SUMF2: variants seen among roughly 807,000 people sequenced by gnomAD.
SUMF2 encodes the protein sulfatase modifying factor 2.
A neutral mutation model predicts 44.8 loss-of-function variants in SUMF2; 45 were observed. The ratio of observed to expected loss-of-function variants is 1.00; its 90% confidence interval spans 0.79 to 1.29. The LOEUF is 1.29. Among genes scored for constraint, SUMF2 ranks in the 50% most tolerant of loss-of-function variants. The probability of loss-of-function intolerance (pLI) is 0.00; values close to 1 mark genes in which losing one functional copy is unlikely to be tolerated. For synonymous variants in SUMF2, 148 were observed against 150.4 expected (o/e 0.98, Z 0.12); for missense variants, 418 against 389.9 (o/e 1.07, Z -0.61).
rs1049101190 is a variant in SUMF2, at chr7:56,079,098, T to C, written c.822-430T>C. The C allele has an allele frequency of 5.9e-6, 3 of 508,900 alleles. No homozygotes were observed. In the Admixed American group the frequency reaches 1.0e-4, roughly 17 times the overall value. The allele number at this position is 508,900 out of a possible 1,614,324, so 31.5% of individuals were successfully genotyped here. A position where few individuals can be genotyped will look rare whatever the true frequency, so the allele number is the denominator to read the frequency against. ...CATGCTGCCTAGGTTTGTCTCATAC[T>C]CCTGGACTCAAGCAATCAGCCCGCC... On this transcript the variant is annotated intron_variant, in intron 8 of 8. Coordinates refer to ENST00000434526, the MANE Select transcript of SUMF2 (RefSeq NM_015411.4).
At chr7:56,075,183 G>GTT (rs372689175) in intron 5 of SUMF2, among the ~76,000 whole-genome samples, 6,370 of 141,988 alleles carry the variant, frequency 0.045, 241 homozygotes, top group East Asian at 0.21. Flanking sequence ...GAGGACCAGT[G>GTT]TTTTTTTTTT....
rs868240320 is a variant in SUMF2, at chr7:56,074,220, T to C, written c.384+2T>C. The C allele has an allele frequency of 1.2e-6, 2 of 1,613,718 alleles. No homozygotes were observed. Among genetic ancestry groups the C allele is most frequent in the Non-Finnish European group, 8.5e-7 (1 of 1,179,862 alleles). On this transcript the variant is annotated splice_donor_variant, in intron 4 of 8. Transcript: ENST00000434526. LOFTEE classifies it high-confidence loss of function. ...GTGGAAAAGGCATTTTGGAGGCAGG[T>C]AAGGGCTGATTCCGCTACCTCATTT...
chr7:56,077,198 C>T (rs190163916), intron 6 of SUMF2, among the ~76,000 whole-genome samples: 125 of 151,486 alleles, frequency 8.3e-4, no homozygotes, highest in African/African-American at 2.9e-3. Context: ...AGGTGCCTGC[C>T]ACCATGCCCA....
At chr7:56,073,221 G>A in intron 3 of SUMF2, 110 bp downstream of exon 3, 2 of 821,980 alleles carry the variant, frequency 2.4e-6, no homozygotes, top group Non-Finnish European at 4.1e-6. Context: ...CTGAGAGGTG[G>A]AGGCAGAGGG....
chr7:56,078,377 C>T lies in SUMF2; in HGVS notation c.690C>T (p.Leu230=). Residue 230 remains leucine, a synonymous_variant, in exon 8 of 9, where the codon CTC becomes CTT. Transcript: ENST00000434526. The stretch of plus-strand genomic sequence containing the variant: ...GTGGGGCTGCAGGGCTCTATGACCT[C>T]CTGGGGAACGTGTGGGAGTGGACAG... The part of the protein sequence containing the change: ...PAQNNYGLYD[L]LGNVWEWTAS... 1 of 1,608,392 alleles carries T rather than the reference C, an allele frequency of 6.2e-7. No homozygotes were observed. Among genetic ancestry groups the T allele is most frequent in the Non-Finnish European group, 8.5e-7 (1 of 1,176,684 alleles).
At chr7:56,068,457 T>C in intron 1 of SUMF2, 25 bp from the exon 2 acceptor site, 1 of 1,596,120 alleles carries the variant, frequency 6.3e-7, no homozygotes, top group Non-Finnish European at 8.5e-7. Context: ...CATGTATTAC[T>C]GGTAACTCTC....
At position 56,079,518 on chromosome 7, in the gene SUMF2, C is replaced by T; in HGVS notation, c.822-10C>T. On this transcript the variant is annotated splice_polypyrimidine_tract_variant and intron_variant, in intron 8 of 8. Coordinates refer to ENST00000434526, the MANE Select transcript of SUMF2 (RefSeq NM_015411.4). ...ACGTGTCTGTCCTCTCTCCCCTTCTCTGCTGGCAGGATGGGCAACACTCCA... is the reference window on the plus strand; with the variant it reads ...ACGTGTCTGTCCTCTCTCCCCTTCTTTGCTGGCAGGATGGGCAACACTCCA... 6.2e-7 allele frequency: 1 copy of T among 1,609,566 alleles called. No individual in the cohort carries two copies. The highest frequency in any genetic ancestry group is 8.5e-7 in the Non-Finnish European group (1 of 1,177,012).
chr7:56,064,882 CAAAAAAAAAAAA>C (rs71015175), intron 1 of SUMF2, among the ~76,000 whole-genome samples: 3 of 14,310 alleles, frequency 2.1e-4, no homozygotes, highest in East Asian at 5.7e-3. Flanking sequence ...TACTTTATCT[CAAAAAAAAAAAA>C]AAAAAAAAAA....
Position 56,074,639 on chromosome 7 carries a change from C to T in SUMF2, c.438C>T (p.His146=), listed in dbSNP as rs750392047. 1.2e-6 allele frequency: 2 copies of T among 1,614,170 alleles called. No homozygotes were observed. Among genetic ancestry groups the T allele is most frequent in the South Asian group, 1.1e-5 (1 of 91,088 alleles). ...AGAGACTGGAGCACCCAGTGTTACACGTGAGCTGGAATGACGCCCGTGCCT... is the reference window on the plus strand; with the variant it reads ...AGAGACTGGAGCACCCAGTGTTACATGTGAGCTGGAATGACGCCCGTGCCT... The part of the protein sequence containing the change: ...IRERLEHPVL[H]VSWNDARAYC... The change falls in exon 5 of 9, where the codon CAC becomes CAT. Residue 146 remains histidine (H), a synonymous_variant. Coordinates refer to ENST00000434526, the MANE Select transcript of SUMF2 (RefSeq NM_015411.4).
At chr7:56,071,124 T>C (rs1361418232) in intron 2 of SUMF2, among the ~76,000 whole-genome samples, 1 of 152,186 alleles carries the variant, frequency 6.6e-6, no homozygotes, top group Admixed American at 6.5e-5. Context: ...CCCAACACTT[T>C]GGGAGTCCGA....
chr7:56,066,190 T>C (rs1375557429), intron 1 of SUMF2, among the ~76,000 whole-genome samples: 1 of 150,022 alleles, frequency 6.7e-6, no homozygotes, highest in Non-Finnish European at 1.5e-5. Flanking sequence ...GATCCAAAGA[T>C]AGGATCTTGA....
At chr7:56,064,645 G>A (rs550630809) in intron 1 of SUMF2, among the ~76,000 whole-genome samples, 1 of 151,808 alleles carries the variant, frequency 6.6e-6, no homozygotes, top group East Asian at 1.9e-4. Flanking sequence ...AGGCCGAGGC[G>A]GGTGGATCAC....
At chr7:56,077,072 A>T (rs1276984431) in intron 6 of SUMF2, among the ~76,000 whole-genome samples, 183 bp downstream of exon 6, 1 of 146,062 alleles carries the variant, frequency 6.8e-6, no homozygotes, top group Non-Finnish European at 1.5e-5. Flanking sequence ...TTTGAGACAG[A>T]GTCTCTCTCT....
chr7:56,080,122 G>A lies in SUMF2; in HGVS notation c.*510G>A. 2 of 503,654 alleles carry A rather than the reference G, an allele frequency of 4.0e-6. No individual in the cohort carries two copies. Among genetic ancestry groups the A allele is most frequent in the South Asian group, 5.0e-5 (2 of 39,870 alleles). 31.2% of individuals were successfully genotyped at this position (503,654 alleles called of 1,614,324 possible). On this transcript the variant is annotated 3_prime_UTR_variant, in exon 9 of 9. Coordinates refer to ENST00000434526, the MANE Select transcript of SUMF2 (RefSeq NM_015411.4). Reference sequence around the variant, plus strand: ...ACTAGTTTCCACTGTGTAACAGGCAGACATGTAACTATTTAAAGCACAGTT... The same window carrying A: ...ACTAGTTTCCACTGTGTAACAGGCAAACATGTAACTATTTAAAGCACAGTT...
intron 8 of SUMF2, 32 bp downstream of exon 8, chr7:56,078,540 C>G (rs1487541298): frequency 6.6e-7 from 1 of 1,514,930 alleles, no homozygotes; most frequent in Non-Finnish European, 8.8e-7. Context: ...AACACGGGGC[C>G]TTGTAGCTGG....
At chr7:56,067,174 A>T (rs1043440114) in intron 1 of SUMF2, among the ~76,000 whole-genome samples, 5 of 152,206 alleles carry the variant, frequency 3.3e-5, no homozygotes, top group African/African-American at 1.2e-4. Flanking sequence ...GTATTTTAGG[A>T]TAGAGTGTCT....
chr7:56,078,487 ACCGGGC>A lies in SUMF2; in HGVS notation c.806_811del (p.Ala269_Arg270del). The A allele has an allele frequency of 6.3e-7, 1 of 1,583,672 alleles. No individual in the cohort carries two copies. The highest frequency in any genetic ancestry group is 8.6e-7 in the Non-Finnish European group (1 of 1,164,082). ...GACACAGCTGATGGCTCTGCCAATC[ACCGGGC>A]CCGGGTCACCACCAGGTAAGGGGCT... On this transcript the variant is annotated inframe_deletion, in exon 8 of 9. Transcript: ENST00000434526.
intron 1 of SUMF2, 48 bp downstream of exon 1, chr7:56,064,426 G>C (rs890867807): frequency 6.4e-7 from 1 of 1,567,724 alleles, no homozygotes; most frequent in Non-Finnish European, 8.6e-7. Context: ...AGGGGATGGG[G>C]CGCTCCGCCC....
At chr7:56,076,450 G>C (rs1011880378) in intron 5 of SUMF2, 1 of 162,522 alleles carries the variant, frequency 6.2e-6, no homozygotes, top group African/African-American at 2.4e-5. Context: ...GTGAGCCACC[G>C]CGACCAGCCA....
Sources: gnomAD v4.1 joint callset for allele counts (sites outside exome capture counted in the v4.1 genomes callset) on GRCh38, gnomAD v4.1.1 for gene constraint, MANE v1.5 for transcripts, NCBI Gene and HGNC (gene_info 2026-07-23, HGNC 2026-07-21) for gene names.